The following PGBD5 variants were observed in gnomAD, a reference collection of about 807,000 sequenced individuals.
PGBD5 encodes piggyBac transposable element-derived protein 5.
Under a neutral mutation model 47.9 loss-of-function variants are expected in PGBD5, and 14 were observed. That is an observed-to-expected ratio of 0.29 (90% CI 0.19 to 0.46). The LOEUF (loss-of-function observed/expected upper bound fraction) is 0.46. PGBD5 is among the 20% of genes least tolerant of loss of function. The pLI is 1.00. For synonymous variants in PGBD5, 316 were observed against 306.3 expected (o/e 1.03, Z -0.33); for missense variants, 635 against 716.0 (o/e 0.89, Z 1.29).
In PGBD5 at chr1:230,323,586, G is replaced by T; in HGVS notation, c.1414C>A (p.Gln472Lys). The change falls in exon 7 of 7, where the codon CAG becomes AAG. Residue 472 changes from glutamine (Q) to lysine (K), a missense_variant. By Grantham distance (53) the Gln-to-Lys change is moderately conservative. Coordinates refer to ENST00000391860, the MANE Select transcript of PGBD5 (RefSeq NM_001258311.2). The surrounding 1 kb of genome is among the most constrained non-coding windows in gnomAD (Gnocchi z 4.1). ...FISHKPNKTW[Q>K]QVFWFAISIA... ...CTGATGGCGAACCAGAACACCTGCT[G>T]CCAGGTCTTGTTTGGTTTATGAGAA... 6.2e-7 allele frequency: 1 copy of T among 1,614,138 alleles called. No homozygotes were observed. The highest frequency in any genetic ancestry group is 8.5e-7 in the Non-Finnish European group (1 of 1,179,994).
chr1:230,379,461 C>T (rs1191889257), intron 1 of PGBD5, among the ~76,000 whole-genome samples: 1 of 152,214 alleles, frequency 6.6e-6, no homozygotes, highest in Non-Finnish European at 1.5e-5. Context: ...TTAGAATTAA[C>T]TTTCAAAAAC....
rs560461124 is a variant in PGBD5 at position 230,351,649 on chromosome 1, G to T, written c.760-557C>A. 7.2e-5 allele frequency among the ~76,000 whole-genome samples: 11 copies of T among 152,236 alleles called. No homozygotes were observed. The East Asian group carries it at 1.7e-3, about 24-fold the overall frequency. ...TTTGGATTTTCAAGACAGCCCTCGT[G>T]TCAGCCCACGACCTCCTTCTTCCAG... On this transcript the variant is annotated intron_variant, in intron 2 of 6. Coordinates refer to ENST00000391860, the MANE Select transcript of PGBD5 (RefSeq NM_001258311.2).
intron 3 of PGBD5, among the ~76,000 whole-genome samples, chr1:230,344,569 G>C (rs989524058): frequency 6.6e-6 from 1 of 152,226 alleles, no homozygotes; most frequent in Non-Finnish European, 1.5e-5. Flanking sequence ...AGAATCCACA[G>C]ATGAGACTGA....
chr1:230,420,896 T>G (rs1657632567), intron 1 of PGBD5, among the ~76,000 whole-genome samples: 1 of 152,160 alleles, frequency 6.6e-6, no homozygotes, highest in Admixed American at 6.5e-5. Flanking sequence ...AACAAAGGCG[T>G]GAGCAAGGTA....
In PGBD5 at chr1:230,393,344, C is replaced by T. The variant is rs1414963361; in HGVS notation, c.331+32254G>A. Among the ~76,000 whole-genome samples the T allele has an allele frequency of 5.3e-5, 8 of 151,530 alleles. No homozygotes were observed. In the East Asian group the frequency reaches 1.6e-3, roughly 30 times the overall value. On this transcript the variant is annotated intron_variant, in intron 1 of 6. Coordinates refer to ENST00000391860, the MANE Select transcript of PGBD5 (RefSeq NM_001258311.2). Reference sequence around the variant, plus strand: ...GCTGTGCTCAGGGCCAGTGCAGCCACTGAACACAGGAGACCACTGGCGGGG... The same window carrying T: ...GCTGTGCTCAGGGCCAGTGCAGCCATTGAACACAGGAGACCACTGGCGGGG...
intron 1 of PGBD5, among the ~76,000 whole-genome samples, chr1:230,404,633 T>A (rs866840563): frequency 1.2e-3 from 151 of 127,194 alleles, no homozygotes; most frequent in African/African-American, 3.3e-3. Flanking sequence ...AAAAAAAATA[T>A]ATATATATAT....
Position 230,343,531 on chromosome 1 carries a change from G to A in PGBD5, c.895-6243C>T, listed in dbSNP as rs575953020. ...GCTACTTGCTCAAGGACACAAAGAG[G>A]TCCACGGTTATGTCTTCTGCCTCAG... On this transcript the variant is annotated intron_variant, in intron 3 of 6. Coordinates refer to ENST00000391860, the MANE Select transcript of PGBD5 (RefSeq NM_001258311.2). 1.2e-4 allele frequency among the ~76,000 whole-genome samples: 18 copies of A among 152,266 alleles called. No individual in the cohort carries two copies. In the South Asian group the frequency reaches 3.3e-3, roughly 28 times the overall value.
intron 3 of PGBD5, among the ~76,000 whole-genome samples, chr1:230,337,815 G>C (rs1033099604): frequency 6.6e-6 from 1 of 152,144 alleles, no homozygotes; most frequent in African/African-American, 2.4e-5. Context: ...ATTTGCCCAA[G>C]AGTCCAGGGC....
rs572037887 is a variant in PGBD5 at position 230,315,960 on chromosome 1, A to G, written c.*7465T>C. Reference sequence around the variant, plus strand: ...TATGTATGTGTATACATACATAAGTATATGTGTACACATATATGTATGTGT... The same window carrying G: ...TATGTATGTGTATACATACATAAGTGTATGTGTACACATATATGTATGTGT... On this transcript the variant is annotated 3_prime_UTR_variant, in exon 7 of 7. Coordinates refer to ENST00000391860, the MANE Select transcript of PGBD5 (RefSeq NM_001258311.2). The G allele has an allele frequency of 6.4e-5, 9 of 140,964 alleles. No homozygotes were observed. The highest frequency in any genetic ancestry group is 1.8e-4 in the African/African-American group (7 of 38,342). The allele number at this position is 140,964 out of a possible 1,614,324, so 8.7% of individuals were successfully genotyped here. A position where few individuals can be genotyped will look rare whatever the true frequency, so the allele number is the denominator to read the frequency against.
intron 1 of PGBD5, among the ~76,000 whole-genome samples, chr1:230,411,183 TG>T (rs1227306668): frequency 6.6e-6 from 1 of 152,030 alleles, no homozygotes; most frequent in Non-Finnish European, 1.5e-5. Context: ...CTCAGGAGGC[TG>T]GGGTGGGAGG....
chr1:230,323,662 T>C lies in PGBD5; in HGVS notation c.1380-42A>G, dbSNP rs750592694. 34 of 1,567,674 alleles carry C rather than the reference T, an allele frequency of 2.2e-5. No homozygotes were observed. The highest frequency in any genetic ancestry group is 8.4e-5 in the African/African-American group (6 of 71,742). ...TAAGAACGGCTGACCCGATGGTTCA[T>C]GGCACCCGGAGATGCATCCCAAAGG... On this transcript the variant is annotated intron_variant, in intron 6 of 6. Transcript: ENST00000391860. This position sits in a 1 kb window ranked among gnomAD's most constrained non-coding sequence, Gnocchi z 4.1.
chr1:230,423,503 T>C (rs1251055729), intron 1 of PGBD5, among the ~76,000 whole-genome samples: 2 of 152,078 alleles, frequency 1.3e-5, no homozygotes, highest in Non-Finnish European at 2.9e-5. Context: ...AATAAACACA[T>C]CCATCTCCCT....
Position 230,356,354 on chromosome 1 carries a change from T to C in PGBD5, c.759+540A>G, listed in dbSNP as rs1314698015. ...GCAGAACCTTTTCTTCTGGAATTGG[T>C]TGGGGAAGGTATTAGGGAATCAGAC... On this transcript the variant is annotated intron_variant, in intron 2 of 6. Transcript: ENST00000391860. 3.3e-5 allele frequency among the ~76,000 whole-genome samples: 5 copies of C among 151,930 alleles called. No individual in the cohort carries two copies. In the East Asian group the frequency reaches 7.7e-4, roughly 23 times the overall value.
intron 3 of PGBD5, among the ~76,000 whole-genome samples, chr1:230,348,782 A>G (rs1667517062): frequency 6.7e-6 from 1 of 149,506 alleles, no homozygotes; most frequent in Non-Finnish European, 1.5e-5. Context: ...ACCTAGGAAC[A>G]AAGAGAGGGA....
chr1:230,351,658 C>T (rs942822793), intron 2 of PGBD5, among the ~76,000 whole-genome samples: 3 of 152,148 alleles, frequency 2.0e-5, no homozygotes, highest in Admixed American at 6.5e-5. Flanking sequence ...TGTCAGCCCA[C>T]GACCTCCTTC....
intron 2 of PGBD5, among the ~76,000 whole-genome samples, chr1:230,352,554 C>T (rs1667575181): frequency 1.3e-5 from 2 of 152,268 alleles, no homozygotes; most frequent in East Asian, 3.9e-4. Context: ...CGAAAAGTGA[C>T]AGCCCTGCAC....
rs116608392 is a variant in PGBD5, at chr1:230,331,007, G to A, written c.1273+1837C>T. ...CATTTGTCATCTTAAATCCTGGAGAGGATTTTGAACCTCTCCAGCCTCATT... is the reference window on the plus strand; with the variant it reads ...CATTTGTCATCTTAAATCCTGGAGAAGATTTTGAACCTCTCCAGCCTCATT... On this transcript the variant is annotated intron_variant, in intron 5 of 6. Transcript: ENST00000391860. Among the ~76,000 whole-genome samples, 962 of 152,170 alleles carry A rather than the reference G, an allele frequency of 6.3e-3. 14 individuals are homozygous for A. The highest frequency in any genetic ancestry group is 0.021 in the African/African-American group (892 of 41,516).
intron 5 of PGBD5, among the ~76,000 whole-genome samples, chr1:230,328,367 A>T (rs1667157429): frequency 6.6e-6 from 1 of 152,108 alleles, no homozygotes; most frequent in Non-Finnish European, 1.5e-5. Flanking sequence ...GCATTTCCCC[A>T]GTTTATAAAC....
chr1:230,337,366 T>G, intron 3 of PGBD5, 78 bp from the exon 4 acceptor site: 1 of 1,321,458 alleles, frequency 7.6e-7, no homozygotes, highest in Admixed American at 2.5e-5. Context: ...CAAGCACAGA[T>G]CTCATGGGTC....
Sources: allele counts gnomAD v4.1 joint callset (sites outside exome capture counted in the v4.1 genomes callset), GRCh38; gene constraint gnomAD v4.1.1; non-coding constraint Gnocchi (gnomAD v3.1); transcripts MANE v1.5; gene names NCBI Gene and HGNC (gene_info 2026-07-23, HGNC 2026-07-21).